The following MACROD2 variants were observed in gnomAD, a reference collection of about 807,000 sequenced individuals.
MACROD2 encodes ADP-ribose glycohydrolase MACROD2.
A neutral mutation model predicts 70.4 loss-of-function variants in MACROD2; 36 were observed. The observed-to-expected ratio is 0.51, with a 90% CI of 0.39 to 0.68. MACROD2 has a LOEUF of 0.68. Ranked by LOEUF, MACROD2 falls within the 30% of genes least tolerant of loss-of-function variation. MACROD2 has a pLI of 0.00. For missense variants in MACROD2, 496 were observed against 538.4 expected (o/e 0.92, Z 0.78); for synonymous variants, 172 against 178.8 (o/e 0.96, Z 0.30).
At chr20:14,582,448 C>T (rs1981093643) in intron 4 of MACROD2, among the ~76,000 whole-genome samples, 1 of 152,078 alleles carries the variant, frequency 6.6e-6, no homozygotes, top group Admixed American at 6.6e-5. Flanking sequence ...CCTGATGTCT[C>T]CCAGCAGCGT....
At chr20:15,826,548 C>T (rs1568583104) in intron 8 of MACROD2, among the ~76,000 whole-genome samples, 2 of 152,116 alleles carry the variant, frequency 1.3e-5, no homozygotes, top group Non-Finnish European at 2.9e-5. Context: ...TCTCATCTAC[C>T]TTGAAACATT....
At chr20:15,368,744 T>C (rs1411307986) in intron 6 of MACROD2, among the ~76,000 whole-genome samples, 1 of 152,200 alleles carries the variant, frequency 6.6e-6, no homozygotes, top group East Asian at 1.9e-4. Context: ...ATTACAGGCG[T>C]GAGCCACCAC....
At chr20:15,355,968 A>G (rs781309560) in intron 6 of MACROD2, among the ~76,000 whole-genome samples, 24 of 152,210 alleles carry the variant, frequency 1.6e-4, no homozygotes, top group Middle Eastern at 3.2e-3. Context: ...CTCTAGTTCT[A>G]GTAATTTACA....
chr20:14,681,294 A>T (rs1199820620), intron 4 of MACROD2, among the ~76,000 whole-genome samples: 1 of 152,222 alleles, frequency 6.6e-6, no homozygotes, highest in Non-Finnish European at 1.5e-5. Context: ...ACGTATAGCT[A>T]CAAGATGGTT....
chr20:15,593,566 G>A (rs2048706618), intron 8 of MACROD2, among the ~76,000 whole-genome samples: 1 of 152,078 alleles, frequency 6.6e-6, no homozygotes, highest in Non-Finnish European at 1.5e-5. Flanking sequence ...AGTAATCTAA[G>A]GACTATGGAA....
At chr20:15,076,760 T>C (rs544926629) in intron 5 of MACROD2, among the ~76,000 whole-genome samples, 1 of 152,320 alleles carries the variant, frequency 6.6e-6, no homozygotes, top group African/African-American at 2.4e-5. Flanking sequence ...AATCTATTTC[T>C]TGTTATTTCT....
intron 5 of MACROD2, among the ~76,000 whole-genome samples, chr20:14,702,796 C>T (rs2071222877): frequency 2.0e-5 from 3 of 150,344 alleles, no homozygotes; most frequent in African/African-American, 2.5e-5. Context: ...GTCATCATCT[C>T]GGCTCACTGC....
intron 8 of MACROD2, among the ~76,000 whole-genome samples, chr20:15,850,319 G>C (rs1201803084): frequency 6.6e-6 from 1 of 152,158 alleles, no homozygotes; most frequent in Non-Finnish European, 1.5e-5. Flanking sequence ...TCAGTCTTTG[G>C]TTGAGGCTGC....
At chr20:14,510,906 T>A (rs1434208141) in intron 4 of MACROD2, among the ~76,000 whole-genome samples, 1 of 152,074 alleles carries the variant, frequency 6.6e-6, no homozygotes, top group Non-Finnish European at 1.5e-5. Flanking sequence ...TGTTACATGA[T>A]AAGTACTGGA....
intron 5 of MACROD2, among the ~76,000 whole-genome samples, chr20:14,876,549 T>C (rs1346259651): frequency 6.6e-6 from 1 of 152,158 alleles, no homozygotes; most frequent in Non-Finnish European, 1.5e-5. Flanking sequence ...CCAAAGCCAA[T>C]ATTCAGAATG....
chr20:15,451,905 C>A (rs530594444), intron 7 of MACROD2, among the ~76,000 whole-genome samples: 2 of 152,238 alleles, frequency 1.3e-5, no homozygotes, highest in South Asian at 4.1e-4. Context: ...AGGGCCTCAT[C>A]CTGGTGAGAA....
chr20:14,192,078 G>T (rs1002635082), intron 3 of MACROD2, among the ~76,000 whole-genome samples: 1 of 152,106 alleles, frequency 6.6e-6, no homozygotes, highest in Non-Finnish European at 1.5e-5. Flanking sequence ...GTCTTTCAGA[G>T]GATCTAGACA....
In MACROD2 at chr20:14,356,498, CTTTTTTTTTTT is replaced by C. The variant is rs71190132; in HGVS notation, c.272-136968_272-136958del. Among the ~76,000 whole-genome samples, 3 of 76,786 alleles carry C rather than the reference CTTTTTTTTTTT, an allele frequency of 3.9e-5. No homozygotes were observed. In the Admixed American group the frequency reaches 5.2e-4, roughly 13 times the overall value. The allele number at this position is 76,786 out of a possible 152,430, so 50.4% of individuals were successfully genotyped here. On this transcript the variant is annotated intron_variant, in intron 3 of 17. Coordinates refer to ENST00000684519, the MANE Select transcript of MACROD2 (RefSeq NM_001351661.2). ...ACCTGGGGGCTGGAGGATCTACTTTCTTTTTTTTTTTTTTTTTTTTTTTCGAGATGGAGTCT... is the reference window on the plus strand; with the variant it reads ...ACCTGGGGGCTGGAGGATCTACTTTCTTTTTTTTTTTTCGAGATGGAGTCT...
intron 2 of MACROD2, among the ~76,000 whole-genome samples, 172 bp downstream of exon 2, chr20:14,002,576 A>C (rs1463390731): frequency 6.6e-6 from 1 of 152,190 alleles, no homozygotes; most frequent in Admixed American, 6.5e-5. Flanking sequence ...TAAACTTAGG[A>C]AAGTATATTA....
intron 5 of MACROD2, among the ~76,000 whole-genome samples, chr20:14,990,189 A>C (rs1343298394): frequency 6.6e-6 from 1 of 152,010 alleles, no homozygotes; most frequent in African/African-American, 2.4e-5. Context: ...CAAAACCCCT[A>C]TGTCAACGAA....
rs575690828 is a variant in MACROD2, at chr20:15,010,289, G to T, written c.419-219651G>T. Among the ~76,000 whole-genome samples, 5 of 152,246 alleles carry T rather than the reference G, an allele frequency of 3.3e-5. No individual in the cohort carries two copies. The South Asian group carries it at 8.3e-4, about 25-fold the overall frequency. ...TGTAATGCACCATGCCGCCACTTAG[G>T]TAGTTACACATTATTTGAAGATATT... On this transcript the variant is annotated intron_variant, in intron 5 of 17. Transcript: ENST00000684519.
intron 5 of MACROD2, among the ~76,000 whole-genome samples, chr20:14,735,193 G>A (rs6135244): frequency 0.14 from 21,360 of 152,124 alleles, 2,000 homozygotes; most frequent in South Asian, 0.37. Flanking sequence ...TGAAGAAAGT[G>A]AAAGGACAGC....
intron 6 of MACROD2, among the ~76,000 whole-genome samples, chr20:15,418,118 T>A (rs560986603): frequency 2.0e-5 from 3 of 152,308 alleles, no homozygotes; most frequent in Non-Finnish European, 2.9e-5. Context: ...CTGGGGAGGT[T>A]ACTCACCCAG....
rs1308905891 is a variant in MACROD2, at chr20:14,431,511, ATC to A, written c.272-61967_272-61966del. 2.0e-5 allele frequency among the ~76,000 whole-genome samples: 3 copies of A among 152,338 alleles called. No individual in the cohort carries two copies. The East Asian group carries it at 5.8e-4, about 29-fold the overall frequency. On this transcript the variant is annotated intron_variant, in intron 3 of 17. Transcript: ENST00000684519. ...ATGACTTTTAAATCATTTACATAATATCCATGAGATCCACAGTTTTTACAAGT... is the reference window on the plus strand; with the variant it reads ...ATGACTTTTAAATCATTTACATAATACATGAGATCCACAGTTTTTACAAGT...
Sources: gnomAD v4.1 joint callset for allele counts (sites outside exome capture counted in the v4.1 genomes callset) on GRCh38, gnomAD v4.1.1 for gene constraint, MANE v1.5 for transcripts, NCBI Gene and HGNC (gene_info 2026-07-23, HGNC 2026-07-21) for gene names.